The following BTBD8 variants were observed in gnomAD, a reference collection of about 807,000 sequenced individuals.
The protein encoded by BTBD8 is BTB domain containing 8.
Under a neutral mutation model 162.9 loss-of-function variants are expected in BTBD8, and 110 were observed. The ratio of observed to expected loss-of-function variants is 0.68; its 90% CI spans 0.58 to 0.79. BTBD8 has a LOEUF of 0.79. Ranked by LOEUF, BTBD8 falls within the 30% of genes least tolerant of loss-of-function variation. The pLI, the probability that BTBD8 is intolerant of heterozygous loss-of-function variation, is 0.00. For missense variants in BTBD8, 1,905 were observed against 2,085.4 expected (o/e 0.91, Z 1.68); for synonymous variants, 667 against 716.1 (o/e 0.93, Z 1.10).
chr1:92,141,714 A>G (rs1467216557), intron 7 of BTBD8, among the ~76,000 whole-genome samples: 2 of 152,208 alleles, frequency 1.3e-5, no homozygotes, highest in African/African-American at 4.8e-5. Flanking sequence ...ATCTAAAGAA[A>G]GATCTCATAC....
In BTBD8 at chr1:92,180,447, A is replaced by C; in HGVS notation, c.2764A>C (p.Asn922His). The stretch of plus-strand genomic sequence containing the variant: ...TGCAAAAATAGTGGCAATGCCTAAA[A>C]ATCTAAATCAGTCAAAGAAAGGTGA... ...VNAKIVAMPK[N>H]LNQSKKGETL... The change falls in exon 17 of 18, where the codon AAT becomes CAT. Residue 922 changes from asparagine (N) to histidine (H), a missense_variant. Asn to His is a moderately conservative substitution (Grantham distance 68). Transcript: ENST00000636805. The C allele has an allele frequency of 1.3e-6, 2 of 1,551,412 alleles. No homozygotes were observed. The highest frequency in any genetic ancestry group is 1.7e-6 in the Non-Finnish European group (2 of 1,146,916).
In BTBD8 at chr1:92,147,270, T is replaced by G; in HGVS notation, c.1019+2T>G. On this transcript the variant is annotated splice_donor_variant, in intron 8 of 17. Coordinates refer to ENST00000636805, the MANE Select transcript of BTBD8 (RefSeq NM_001376131.1). LOFTEE classifies it high-confidence loss of function. ...AAGTCTTTTTGCTGACTGCATGAAGTAAGTTATGTTAAGTAGTGCTGATAC... is the reference window on the plus strand; with the variant it reads ...AAGTCTTTTTGCTGACTGCATGAAGGAAGTTATGTTAAGTAGTGCTGATAC... 3 of 1,590,480 alleles carry G rather than the reference T, an allele frequency of 1.9e-6. No homozygotes were observed. The highest frequency in any genetic ancestry group is 2.6e-6 in the Non-Finnish European group (3 of 1,160,694).
rs1650401937 is a variant in BTBD8, at chr1:92,167,018, A to G, written c.1183A>G (p.Arg395Gly). The change falls in exon 10 of 18, where the codon AGA (arginine) becomes GGA (glycine). Residue 395 changes from arginine to glycine, a missense_variant. By Grantham distance (125) the Arg-to-Gly change is moderately radical. Transcript: ENST00000636805. ...TGACAGGCTAATCATCAGTTTACCC[A>G]GAGTGAAGTGGACGGAAGCAGCACT... ...ESDRLIISLP[R>G]VKWTEAALTM... is the part of the protein sequence containing the mutation. 2 of 1,550,902 alleles carry G rather than the reference A, an allele frequency of 1.3e-6. No individual in the cohort carries two copies. The highest frequency in any genetic ancestry group is 2.4e-5 in the South Asian group (2 of 84,054).
intron 1 of BTBD8, 62 bp downstream of exon 1, chr1:92,080,782 C>T: frequency 6.4e-7 from 1 of 1,550,882 alleles, no homozygotes; most frequent in Non-Finnish European, 8.7e-7. Flanking sequence ...CGCCCCGAAG[C>T]TGAGGCTTCT....
chr1:92,114,148 C>A (rs978670548), intron 4 of BTBD8, among the ~76,000 whole-genome samples: 4 of 150,798 alleles, frequency 2.7e-5, no homozygotes, highest in Non-Finnish European at 4.4e-5. Context: ...TTAAAAAAAA[C>A]ACTTATTATT....
intron 10 of BTBD8, 121 bp from the exon 11 acceptor site, chr1:92,167,727 A>G: frequency 1.3e-6 from 1 of 759,578 alleles, no homozygotes; most frequent in Non-Finnish European, 2.0e-6. Flanking sequence ...AACAAAGGGA[A>G]AAAATACGAT....
intron 4 of BTBD8, chr1:92,114,991 A>G (rs1648995123): frequency 6.9e-6 from 2 of 288,284 alleles, no homozygotes; most frequent in Non-Finnish European, 1.3e-5. Context: ...GTAGCCCCAG[A>G]TGCCCTTGAG....
At chr1:92,144,118 C>T (rs894378441) in intron 7 of BTBD8, among the ~76,000 whole-genome samples, 10 of 149,806 alleles carry the variant, frequency 6.7e-5, no homozygotes, top group Admixed American at 2.7e-4. Flanking sequence ...GGACTACAGA[C>T]GCGTGCCACC....
intron 2 of BTBD8, among the ~76,000 whole-genome samples, chr1:92,092,352 C>T (rs1164519421): frequency 6.7e-6 from 1 of 149,850 alleles, no homozygotes; most frequent in African/African-American, 2.5e-5. Flanking sequence ...TAGCTGAGAT[C>T]ATGCCACAGC....
At chr1:92,133,673 C>G (rs1461418429) in intron 5 of BTBD8, among the ~76,000 whole-genome samples, 1 of 152,086 alleles carries the variant, frequency 6.6e-6, no homozygotes, top group Admixed American at 6.6e-5. Flanking sequence ...GTGGGGACAG[C>G]AGAATTCTAT....
chr1:92,123,051 AT>A (rs1649257795), intron 4 of BTBD8, among the ~76,000 whole-genome samples: 1 of 151,920 alleles, frequency 6.6e-6, no homozygotes, highest in Non-Finnish European at 1.5e-5. Context: ...GTCAAGTTTA[AT>A]TTTTTTTCTA....
chr1:92,145,853 C>T (rs1208575325), intron 7 of BTBD8, among the ~76,000 whole-genome samples: 7 of 151,962 alleles, frequency 4.6e-5, no homozygotes, highest in East Asian at 1.9e-4. Context: ...TGGTGGCAGG[C>T]GCCTGTAATC....
In BTBD8 at chr1:92,180,335, A is replaced by C. The variant is rs1192833176; in HGVS notation, c.2652A>C (p.Ala884=). The C allele has an allele frequency of 1.9e-6, 3 of 1,551,318 alleles. No individual in the cohort carries two copies. Among genetic ancestry groups the C allele is most frequent in the Non-Finnish European group, 2.6e-6 (3 of 1,146,856 alleles). ...CAAGGCAGTCTGATGAAAATGTGGC[A>C]AAGTTGGACCACAATACAACTACAG... is the stretch of plus-strand genomic sequence containing the variant. ...VSSRQSDENV[A]KLDHNTTTEK... The change falls in exon 17 of 18, where the codon GCA becomes GCC. Residue 884 remains alanine (A), a synonymous_variant. Coordinates refer to ENST00000636805, the MANE Select transcript of BTBD8 (RefSeq NM_001376131.1).
At chr1:92,122,537 G>A (rs12145338) in intron 4 of BTBD8, among the ~76,000 whole-genome samples, 161 of 151,520 alleles carry the variant, frequency 1.1e-3, no homozygotes, top group African/African-American at 3.7e-3. Flanking sequence ...GATTACAGGC[G>A]TGAGCCACCG....
At chr1:92,183,533 C>G (rs1315548410) in intron 17 of BTBD8, among the ~76,000 whole-genome samples, 1 of 149,410 alleles carries the variant, frequency 6.7e-6, no homozygotes, top group Non-Finnish European at 1.5e-5. Context: ...TTTTTTTTTT[C>G]TCTTTTTCTA....
intron 9 of BTBD8, among the ~76,000 whole-genome samples, chr1:92,163,514 T>A (rs1650315681): frequency 6.6e-6 from 1 of 151,682 alleles, no homozygotes; most frequent in Non-Finnish European, 1.5e-5. Context: ...GGTTGTAAAA[T>A]GGATGGTTTG....
chr1:92,094,061 G>A lies in BTBD8; in HGVS notation c.347+5166G>A, dbSNP rs561668564. On this transcript the variant is annotated intron_variant, in intron 2 of 17. Coordinates refer to ENST00000636805, the MANE Select transcript of BTBD8 (RefSeq NM_001376131.1). The stretch of plus-strand genomic sequence containing the variant: ...GGCAGTAAGACAGATCTGCCTTCTT[G>A]CTGTGCATTATCTTGTTTTATTTTT... Among the ~76,000 whole-genome samples, 14 of 152,338 alleles carry A rather than the reference G, an allele frequency of 9.2e-5. No individual in the cohort carries two copies. The South Asian group carries it at 2.7e-3, about 29-fold the overall frequency.
At chr1:92,123,909 G>A (rs1649281888) in intron 4 of BTBD8, among the ~76,000 whole-genome samples, 1 of 151,482 alleles carries the variant, frequency 6.6e-6, no homozygotes, top group African/African-American at 2.4e-5. Context: ...TTCCAGTCAG[G>A]AACCGAGATA....
At chr1:92,141,536 A>G (rs1434683798) in intron 7 of BTBD8, among the ~76,000 whole-genome samples, 3 of 152,180 alleles carry the variant, frequency 2.0e-5, no homozygotes, top group African/African-American at 7.2e-5. Flanking sequence ...TCAAAGGGCT[A>G]CACAGTGCTT....
Sources: gnomAD v4.1 joint callset for allele counts (sites outside exome capture counted in the v4.1 genomes callset) on GRCh38, gnomAD v4.1.1 for gene constraint, MANE v1.5 for transcripts, NCBI Gene and HGNC (gene_info 2026-07-23, HGNC 2026-07-21) for gene names.